The following AOPEP variants were observed in gnomAD, a reference collection of about 807,000 sequenced individuals.
AOPEP encodes the protein aminopeptidase O (putative), also known as aminopeptidase O.
In AOPEP, 77 loss-of-function variants were observed where a neutral mutation model predicts 98.1. The observed-to-expected ratio is 0.78, with a 90% CI of 0.65 to 0.95. The LOEUF (loss-of-function observed/expected upper bound fraction) is 0.95, where lower values mean the gene tolerates loss of function less well. AOPEP is among the 40% of genes least tolerant of loss of function. The pLI, the probability that AOPEP is intolerant of heterozygous loss-of-function variation, is 0.00. For missense variants in AOPEP, 1,024 were observed against 1,024.7 expected (o/e 1.00, Z 0.01); for synonymous variants, 346 against 365.3 (o/e 0.95, Z 0.60).
chr9:95,148,527 G>A, the AOPEP span, among the ~76,000 whole-genome samples: 12 of 152,292 alleles, frequency 7.9e-5, no homozygotes, highest in African/African-American at 2.9e-4. Context: ...TTAGAATCTT[G>A]GAAAATCTAT....
At chr9:94,888,990 T>C (rs553277818) in intron 5 of AOPEP, among the ~76,000 whole-genome samples, 1 of 152,258 alleles carries the variant, frequency 6.6e-6, no homozygotes, top group Admixed American at 6.5e-5. Context: ...TGCTTAGAGC[T>C]CTAGCGGCGG....
At position 95,020,918 on chromosome 9, in the gene AOPEP, C is replaced by CAAAAA. The variant is rs55696602; in HGVS notation, c.2115+15316_2115+15320dup. On this transcript the variant is annotated intron_variant, in intron 13 of 16. Coordinates refer to ENST00000375315, the MANE Select transcript of AOPEP (RefSeq NM_001193329.3). Reference sequence around the variant, plus strand: ...TGGGCAACAGAGTGAGACCTTGTCTCAAAAAAAAAAAAAAAAAAGACATAA... The same window carrying CAAAAA: ...TGGGCAACAGAGTGAGACCTTGTCTCAAAAAAAAAAAAAAAAAAAAAAAGACATAA... 8.2e-5 allele frequency among the ~76,000 whole-genome samples: 6 copies of CAAAAA among 73,358 alleles called. 1 individual carries two copies. Among genetic ancestry groups the CAAAAA allele is most frequent in the Non-Finnish European group, 1.5e-4 (6 of 39,532 alleles). The allele number at this position is 73,358 out of a possible 152,430, so 48.1% of individuals were successfully genotyped here.
At chr9:95,110,557 C>T in the AOPEP span, 3 of 1,032,292 alleles carry the variant, frequency 2.9e-6, no homozygotes, top group Admixed American at 5.7e-5. Flanking sequence ...TAAATTATCA[C>T]CAAATTTCAA....
chr9:95,008,862 T>C (rs1249136157), intron 13 of AOPEP, among the ~76,000 whole-genome samples: 1 of 152,238 alleles, frequency 6.6e-6, no homozygotes, highest in Non-Finnish European at 1.5e-5. Flanking sequence ...TAGTTTCATA[T>C]TTTAGCCCTT....
chr9:94,817,042 C>A (rs1851853435), intron 5 of AOPEP, among the ~76,000 whole-genome samples: 1 of 152,116 alleles, frequency 6.6e-6, no homozygotes, highest in South Asian at 2.1e-4. Context: ...CTTTTTTACC[C>A]AAGGCTGAAG....
chr9:95,053,551 G>A (rs554721472), intron 13 of AOPEP, among the ~76,000 whole-genome samples: 1 of 152,108 alleles, frequency 6.6e-6, no homozygotes, highest in East Asian at 1.9e-4. Context: ...GCCTTAGGGG[G>A]TTATAAGTTA....
chr9:94,967,610 T>C, intron 9 of AOPEP, 148 bp from the exon 10 acceptor site: 1 of 619,624 alleles, frequency 1.6e-6, no homozygotes, highest in South Asian at 2.1e-5. Flanking sequence ...AATTAATAAG[T>C]TGAGTCTATA....
chr9:95,126,456 A>G, the AOPEP span: 25 of 1,410,050 alleles, frequency 1.8e-5, no homozygotes, highest in Admixed American at 5.1e-5. Context: ...GACTACCACA[A>G]CATTTTCTGA....
the AOPEP span, chr9:95,107,125 G>A: frequency 1.2e-6 from 2 of 1,614,214 alleles, no homozygotes; most frequent in South Asian, 1.1e-5. Flanking sequence ...AGGAAGTTGA[G>A]GAGAAGGTGC....
intron 14 of AOPEP, among the ~76,000 whole-genome samples, chr9:95,078,690 C>T (rs1277644532): frequency 6.6e-6 from 1 of 152,254 alleles, no homozygotes; most frequent in Non-Finnish European, 1.5e-5. Context: ...CAAGGCCCTT[C>T]AGCCTTGGGG....
At chr9:94,943,340 T>C (rs1166270723) in intron 7 of AOPEP, among the ~76,000 whole-genome samples, 1 of 152,208 alleles carries the variant, frequency 6.6e-6, no homozygotes, top group African/African-American at 2.4e-5. Context: ...ACGCCTGTAA[T>C]CCCAGCACTT....
At chr9:94,746,888 A>C (rs967563164) in intron 1 of AOPEP, among the ~76,000 whole-genome samples, 15 of 151,218 alleles carry the variant, frequency 9.9e-5, no homozygotes, top group Non-Finnish European at 5.9e-5. Flanking sequence ...CCCCCACTTG[A>C]CTGGTTATAA....
chr9:94,745,988 A>G (rs945964187), intron 1 of AOPEP, among the ~76,000 whole-genome samples: 1 of 152,222 alleles, frequency 6.6e-6, no homozygotes, highest in Non-Finnish European at 1.5e-5. Context: ...TCCCACCAAC[A>G]ATGTACGACA....
At chr9:95,129,312 T>G in the AOPEP span, among the ~76,000 whole-genome samples, 2 of 152,216 alleles carry the variant, frequency 1.3e-5, no homozygotes, top group Non-Finnish European at 2.9e-5. Context: ...GTCAGGCATA[T>G]GTCCCAGCGA....
chr9:94,997,848 C>T (rs897686822), intron 11 of AOPEP, among the ~76,000 whole-genome samples: 5 of 152,102 alleles, frequency 3.3e-5, no homozygotes, highest in Admixed American at 2.6e-4. Flanking sequence ...CATACGCCAC[C>T]GTGCCCAGCT....
intron 13 of AOPEP, among the ~76,000 whole-genome samples, chr9:95,041,403 T>C (rs1016417973): frequency 3.3e-5 from 5 of 150,912 alleles, no homozygotes; most frequent in Admixed American, 2.6e-4. Flanking sequence ...AATTGTGATA[T>C]TGCCAGATTG....
the AOPEP span, among the ~76,000 whole-genome samples, chr9:95,103,431 T>C: frequency 5.3e-5 from 8 of 152,122 alleles, no homozygotes; most frequent in Non-Finnish European, 1.0e-4. Context: ...CTAGCTAACT[T>C]TTGCTGTTGT....
At chr9:94,976,762 G>A (rs2059873074) in intron 10 of AOPEP, among the ~76,000 whole-genome samples, 2 of 151,782 alleles carry the variant, frequency 1.3e-5, no homozygotes, top group Admixed American at 1.3e-4. Context: ...TGCCTCCCAG[G>A]CTCAAGCCAT....
At chr9:94,821,265 G>A (rs906335061) in intron 5 of AOPEP, among the ~76,000 whole-genome samples, 1 of 152,118 alleles carries the variant, frequency 6.6e-6, no homozygotes, top group African/African-American at 2.4e-5. Flanking sequence ...TCAGGATAGA[G>A]CGTTCACCCC....
Sources: gnomAD v4.1 joint callset for allele counts (sites outside exome capture counted in the v4.1 genomes callset) on GRCh38, gnomAD v4.1.1 for gene constraint, MANE v1.5 for transcripts, NCBI Gene and HGNC (gene_info 2026-07-23, HGNC 2026-07-21) for gene names.